Variants in COMMD10 observed in about 807,000 individuals in gnomAD.
COMMD10 encodes COMM domain containing 10, also known as COMM domain-containing protein 10.
Under a neutral mutation model 28.9 loss-of-function variants are expected in COMMD10, and 33 were observed. The ratio of observed to expected loss-of-function variants is 1.14; its 90% CI spans 0.87 to 1.53. COMMD10 has a LOEUF of 1.53. COMMD10 is among the 40% of genes most tolerant of loss of function. COMMD10 has a pLI of 0.00. For synonymous variants in COMMD10, 110 were observed against 81.7 expected, an observed-to-expected ratio of 1.35 and a Z score of -1.87; for missense variants, 310 against 233.4, an observed-to-expected ratio of 1.33 and a Z score of -2.14.
At chr5:116,271,394 G>T (rs984343551) in intron 5 of COMMD10, among the ~76,000 whole-genome samples, 2 of 148,936 alleles carry the variant, frequency 1.3e-5, no homozygotes, top group African/African-American at 5.0e-5. Flanking sequence ...AACCATTTTA[G>T]TAAGCATCCC....
At position 116,209,027 on chromosome 5, in the gene COMMD10, T is replaced by C. The variant is rs150048145; in HGVS notation, c.510+74849T>C. 9.4e-3 allele frequency among the ~76,000 whole-genome samples: 1,437 copies of C among 152,276 alleles called. 28 individuals carry two copies. Among genetic ancestry groups the C allele is most frequent in the African/African-American group, 0.033 (1,372 of 41,560 alleles). On this transcript the variant is annotated intron_variant, in intron 5 of 6. Coordinates refer to ENST00000274458, the MANE Select transcript of COMMD10 (RefSeq NM_016144.4). ...CCAGATTCTGTCTCTCTTTTCTTTGTTCTTGGTGTACTAATCTGATTCCTC... is the reference window on the plus strand; with the variant it reads ...CCAGATTCTGTCTCTCTTTTCTTTGCTCTTGGTGTACTAATCTGATTCCTC...
chr5:116,122,064 A>G (rs1205706348), intron 4 of COMMD10, among the ~76,000 whole-genome samples: 3 of 152,186 alleles, frequency 2.0e-5, no homozygotes, highest in Admixed American at 2.0e-4. Context: ...GCCCATGCCT[A>G]TGTCCTGAAT....
intron 5 of COMMD10, among the ~76,000 whole-genome samples, chr5:116,248,545 C>A (rs796971432): frequency 5.9e-5 from 9 of 151,968 alleles, no homozygotes; most frequent in South Asian, 2.1e-4. Context: ...CTGTACAGTT[C>A]TGTTTTTGTT....
intron 5 of COMMD10, among the ~76,000 whole-genome samples, chr5:116,154,872 TCA>T (rs904945050): frequency 6.6e-6 from 1 of 152,034 alleles, no homozygotes; most frequent in Non-Finnish European, 1.5e-5. Flanking sequence ...GGTAATAATC[TCA>T]GAGACAAGGC....
rs73780886 is a variant in COMMD10 at position 116,210,923 on chromosome 5, A to G, written c.510+76745A>G. ...TTGCCTATTATTATTCCTCTAGAAA[A>G]GATAATAATAATACATAGTTACAAG... is the stretch of plus-strand genomic sequence containing the variant. On this transcript the variant is annotated intron_variant, in intron 5 of 6. Transcript: ENST00000274458. Among the ~76,000 whole-genome samples the G allele has an allele frequency of 4.3e-3, 645 of 150,814 alleles. 7 individuals are homozygous for G. Among genetic ancestry groups the G allele is most frequent in the African/African-American group, 0.015 (591 of 40,360 alleles).
chr5:116,137,705 C>T (rs1752068964), intron 5 of COMMD10, among the ~76,000 whole-genome samples: 1 of 151,932 alleles, frequency 6.6e-6, no homozygotes, highest in South Asian at 2.1e-4. Context: ...ATGCAGCCTG[C>T]AGTGAAGTTT....
At chr5:116,239,839 G>A (rs774434524) in intron 5 of COMMD10, among the ~76,000 whole-genome samples, 2 of 152,114 alleles carry the variant, frequency 1.3e-5, no homozygotes, top group Non-Finnish European at 2.9e-5. Context: ...GACTGCTCCA[G>A]GTTTGCTGTG....
chr5:116,115,927 C>G (rs775171478), intron 4 of COMMD10, among the ~76,000 whole-genome samples: 1 of 152,054 alleles, frequency 6.6e-6, no homozygotes, highest in Non-Finnish European at 1.5e-5. Flanking sequence ...TTAAAATGCA[C>G]TTATGGTTTT....
At chr5:116,267,161 C>G (rs1363633262) in intron 5 of COMMD10, among the ~76,000 whole-genome samples, 2 of 151,866 alleles carry the variant, frequency 1.3e-5, no homozygotes, top group Admixed American at 6.6e-5. Flanking sequence ...CAAATGGTCC[C>G]TGTTTGCAGA....
At chr5:116,225,492 C>T (rs115536646) in intron 5 of COMMD10, among the ~76,000 whole-genome samples, 1,883 of 151,864 alleles carry the variant, frequency 0.012, 26 homozygotes, top group Non-Finnish European at 0.014. Context: ...AATTAACTTC[C>T]TTGGGTTGAA....
chr5:116,238,060 C>T (rs1175049347), intron 5 of COMMD10, among the ~76,000 whole-genome samples: 1 of 152,024 alleles, frequency 6.6e-6, no homozygotes, highest in Non-Finnish European at 1.5e-5. Flanking sequence ...GCTCATGTTG[C>T]ACAAAAAACA....
rs541829685 is a variant in COMMD10, at chr5:116,171,478, G to T, written c.510+37300G>T. Among the ~76,000 whole-genome samples the T allele has an allele frequency of 2.7e-4, 41 of 152,234 alleles. 2 individuals carry two copies. In the South Asian group the frequency reaches 8.5e-3, roughly 32 times the overall value. On this transcript the variant is annotated intron_variant, in intron 5 of 6. Coordinates refer to ENST00000274458, the MANE Select transcript of COMMD10 (RefSeq NM_016144.4). ...TTTGATACAGCAATCCCCTTACTGGGTATATACCCAGATGATTATAAATCA... is the reference window on the plus strand; with the variant it reads ...TTTGATACAGCAATCCCCTTACTGGTTATATACCCAGATGATTATAAATCA...
chr5:116,228,057 G>A (rs2112651375), intron 5 of COMMD10, among the ~76,000 whole-genome samples: 1 of 152,122 alleles, frequency 6.6e-6, no homozygotes, highest in South Asian at 2.1e-4. Flanking sequence ...TGAGGTAGGA[G>A]ATTTTTTTCA....
At chr5:116,258,986 A>C (rs1172296578) in intron 5 of COMMD10, among the ~76,000 whole-genome samples, 1 of 145,486 alleles carries the variant, frequency 6.9e-6, no homozygotes, top group African/African-American at 2.6e-5. Context: ...ATATTTCCTC[A>C]TTTTGCAGGG....
intron 5 of COMMD10, among the ~76,000 whole-genome samples, chr5:116,259,086 A>T (rs77516388): frequency 0.12 from 15,641 of 129,910 alleles, 1,374 homozygotes; most frequent in African/African-American, 0.26. Context: ...TTTTTTCCTG[A>T]GAGTCTCGCT....
chr5:116,269,819 A>G (rs1188323238), intron 5 of COMMD10, among the ~76,000 whole-genome samples: 1 of 151,794 alleles, frequency 6.6e-6, no homozygotes, highest in Admixed American at 6.6e-5. Context: ...CTGACTTGCC[A>G]GTCTTACTTC....
rs1749185753 is a variant in COMMD10 at position 116,219,335 on chromosome 5, A to G, written c.511-72182A>G. On this transcript the variant is annotated intron_variant, in intron 5 of 6. Coordinates refer to ENST00000274458, the MANE Select transcript of COMMD10 (RefSeq NM_016144.4). ...CTTCCCATTTTAGTAGTAGTGCAGT[A>G]GGCGGAATAACAGCTCCTCACAGAT... Among the ~76,000 whole-genome samples the G allele has an allele frequency of 2.0e-5, 3 of 152,148 alleles. No individual in the cohort carries two copies. In the South Asian group the frequency reaches 6.2e-4, roughly 32 times the overall value.
At chr5:116,209,381 C>T (rs1379738224) in intron 5 of COMMD10, among the ~76,000 whole-genome samples, 1 of 152,134 alleles carries the variant, frequency 6.6e-6, no homozygotes, top group Non-Finnish European at 1.5e-5. Flanking sequence ...GTTTGGCGCA[C>T]CAAATCTGTA....
intron 5 of COMMD10, among the ~76,000 whole-genome samples, chr5:116,158,707 G>A (rs1752820506): frequency 6.6e-6 from 1 of 151,962 alleles, no homozygotes; most frequent in Admixed American, 6.6e-5. Context: ...AATCCTTAGT[G>A]TGAAAGTCTC....
Sources: gnomAD v4.1 joint callset for allele counts (sites outside exome capture counted in the v4.1 genomes callset) on GRCh38, gnomAD v4.1.1 for gene constraint, MANE v1.5 for transcripts, NCBI Gene and HGNC (gene_info 2026-07-23, HGNC 2026-07-21) for gene names.